The following CHN1 variants were observed in gnomAD, a reference collection of about 807,000 sequenced individuals.
CHN1 encodes the protein N-chimaerin.
CHN1 carries 37 observed loss-of-function variants against 59.5 expected under a neutral mutation model. The observed-to-expected ratio is 0.62, with a 90% CI of 0.48 to 0.82. The LOEUF is 0.82. Among genes scored for constraint, CHN1 ranks in the 40% least tolerant of loss-of-function variants. The pLI is 0.00. For missense variants in CHN1, 469 were observed against 571.0 expected (o/e 0.82, Z 1.82); for synonymous variants, 206 against 200.4 (o/e 1.03, Z -0.24).
chr2:174,865,864 T>A (rs541342260), intron 6 of CHN1, among the ~76,000 whole-genome samples: 2 of 152,148 alleles, frequency 1.3e-5, no homozygotes, highest in Admixed American at 1.3e-4. Context: ...AAAGAACATA[T>A]GGGTAGAAAA....
At chr2:174,861,748 T>C in intron 6 of CHN1, among the ~76,000 whole-genome samples, 1 of 152,176 alleles carries the variant, frequency 6.6e-6, no homozygotes, top group Non-Finnish European at 1.5e-5. Flanking sequence ...AGACATTGAA[T>C]TGAAAACAAT....
At chr2:174,829,388 T>A (rs556058047) in intron 7 of CHN1, among the ~76,000 whole-genome samples, 5 of 152,342 alleles carry the variant, frequency 3.3e-5, no homozygotes, top group Admixed American at 3.3e-4. Context: ...AGATAAAAAC[T>A]GAAGTCATTC....
At chr2:174,905,157 G>A (rs1688509111) in intron 5 of CHN1, among the ~76,000 whole-genome samples, 1 of 151,994 alleles carries the variant, frequency 6.6e-6, no homozygotes, top group Non-Finnish European at 1.5e-5. Context: ...TCACAGAAAA[G>A]GAATCACATT....
Position 174,801,744 on chromosome 2 carries a change from A to G in CHN1, c.1171T>C (p.Cys391Arg). Residue 391 changes from cysteine (C) to arginine (R), a missense_variant, in exon 12 of 13, where the codon TGC (cysteine) becomes CGC (arginine). Physicochemically the swap from Cys to Arg is radical, Grantham distance 180. Coordinates refer to ENST00000409900, the MANE Select transcript of CHN1 (RefSeq NM_001822.7). ...EALKLLPPAH[C>R]ETLRYLMAHL... The stretch of plus-strand genomic sequence containing the variant: ...GCCATGAGGTACCGGAGGGTTTCGC[A>G]GTGAGCAGGTGGCAGTAGTTTCAGT... The G allele has an allele frequency of 1.2e-6, 2 of 1,613,530 alleles. No homozygotes were observed. Among genetic ancestry groups the G allele is most frequent in the Middle Eastern group, 1.7e-4 (1 of 6,056 alleles).
At chr2:174,918,448 T>A in intron 4 of CHN1, 86 bp downstream of exon 4, 4 of 1,002,702 alleles carry the variant, frequency 4.0e-6, no homozygotes, top group Non-Finnish European at 5.5e-6. Flanking sequence ...GAATACTTCA[T>A]CTTGCTTTCA....
At chr2:174,940,617 G>A (rs1205418016) in intron 3 of CHN1, among the ~76,000 whole-genome samples, 4 of 151,594 alleles carry the variant, frequency 2.6e-5, no homozygotes, top group African/African-American at 9.7e-5. Context: ...TGTCTGATTC[G>A]TACTTTATAA....
intron 1 of CHN1, among the ~76,000 whole-genome samples, chr2:174,979,545 T>G (rs1691069588): frequency 6.6e-6 from 1 of 152,122 alleles, no homozygotes; most frequent in Admixed American, 6.6e-5. Context: ...CTGGGCGCGG[T>G]GGCTCATGCC....
chr2:175,000,266 A>T (rs1411746924), intron 1 of CHN1, among the ~76,000 whole-genome samples: 1 of 151,082 alleles, frequency 6.6e-6, no homozygotes, highest in African/African-American at 2.4e-5. Context: ...TTCAGCCTCC[A>T]GAGTAGCTGG....
intron 5 of CHN1, among the ~76,000 whole-genome samples, chr2:174,900,819 G>C (rs35144457): frequency 0.049 from 7,303 of 149,974 alleles, 250 homozygotes; most frequent in African/African-American, 0.094. Flanking sequence ...AAAAAAAAAA[G>C]TAACTATCAA....
chr2:174,903,609 A>T (rs986510668), intron 5 of CHN1, among the ~76,000 whole-genome samples: 1 of 152,204 alleles, frequency 6.6e-6, no homozygotes, highest in Non-Finnish European at 1.5e-5. Context: ...AACCATATCT[A>T]TGTGCTGCTT....
intron 1 of CHN1, among the ~76,000 whole-genome samples, chr2:174,993,691 C>T (rs1391975190): frequency 6.6e-6 from 1 of 151,136 alleles, no homozygotes; most frequent in African/African-American, 2.4e-5. Flanking sequence ...CAGAGGGAAA[C>T]AACCCAAAGG....
At chr2:174,918,503 T>C in intron 4 of CHN1, 31 bp downstream of exon 4, 1 of 1,542,030 alleles carries the variant, frequency 6.5e-7, no homozygotes. Context: ...TATGCCAATC[T>C]ATAAAACGTT....
At chr2:174,853,455 G>C (rs754874817) in intron 6 of CHN1, among the ~76,000 whole-genome samples, 26 of 152,180 alleles carry the variant, frequency 1.7e-4, no homozygotes, top group Non-Finnish European at 3.2e-4. Flanking sequence ...AACAGATGCT[G>C]ATGAGGCTGT....
rs1692016354 is a variant in CHN1 at position 175,004,958 on chromosome 2, G to A, written c.-46C>T. 8 of 1,519,874 alleles carry A rather than the reference G, an allele frequency of 5.3e-6. No homozygotes were observed. Among genetic ancestry groups the A allele is most frequent in the Admixed American group, 2.0e-5 (1 of 48,882 alleles). 94.1% of individuals were successfully genotyped at this position (1,519,874 alleles called of 1,614,324 possible). On this transcript the variant is annotated 5_prime_UTR_variant, in exon 1 of 13. Transcript: ENST00000409900. Reference sequence around the variant, plus strand: ...CCCGCGAGTCCAGGCGCTCCTCCCAGGCGGGCTAGGGATCACCTCATCAGC... The same window carrying A: ...CCCGCGAGTCCAGGCGCTCCTCCCAAGCGGGCTAGGGATCACCTCATCAGC...
At chr2:174,823,487 C>G (rs958045008) in intron 8 of CHN1, among the ~76,000 whole-genome samples, 1 of 151,870 alleles carries the variant, frequency 6.6e-6, no homozygotes, top group Non-Finnish European at 1.5e-5. Context: ...CATGGTGAAA[C>G]CCCGTCTCTA....
At chr2:174,946,967 A>T (rs1454215738) in intron 2 of CHN1, among the ~76,000 whole-genome samples, 1 of 152,114 alleles carries the variant, frequency 6.6e-6, no homozygotes, top group Non-Finnish European at 1.5e-5. Context: ...CTATAAGGTA[A>T]AAATTTAGTT....
intron 5 of CHN1, among the ~76,000 whole-genome samples, chr2:174,894,652 T>G (rs1206672094): frequency 3.9e-5 from 6 of 152,118 alleles, no homozygotes; most frequent in Admixed American, 3.9e-4. Flanking sequence ...AAACAGGATC[T>G]TGAAGATACT....
intron 8 of CHN1, 65 bp downstream of exon 8, chr2:174,824,369 C>T: frequency 8.4e-7 from 1 of 1,192,798 alleles, no homozygotes; most frequent in Non-Finnish European, 1.2e-6. Flanking sequence ...CAACAAGTCT[C>T]CTTCTACCTC....
intron 3 of CHN1, among the ~76,000 whole-genome samples, chr2:174,927,688 A>G (rs1689217686): frequency 2.0e-5 from 3 of 152,218 alleles, no homozygotes; most frequent in African/African-American, 2.4e-5. Flanking sequence ...ATGCCACTAA[A>G]ACATTTATAA....
Sources: gnomAD v4.1 joint callset for allele counts (sites outside exome capture counted in the v4.1 genomes callset) on GRCh38, gnomAD v4.1.1 for gene constraint, MANE v1.5 for transcripts, NCBI Gene and HGNC (gene_info 2026-07-23, HGNC 2026-07-21) for gene names.